The following TBC1D23 variants were observed in gnomAD, a reference collection of about 807,000 sequenced individuals.
TBC1D23 encodes the protein HCV non-structural protein 4A-transactivated protein 1.
TBC1D23 carries 55 observed loss-of-function variants against 91.4 expected under a neutral mutation model. The observed-to-expected ratio is 0.60, with a 90% CI of 0.48 to 0.75. The LOEUF is 0.75. Ranked by LOEUF, TBC1D23 falls within the 30% of genes least tolerant of loss-of-function variation. TBC1D23 has a pLI of 0.00. For missense variants in TBC1D23, 725 were observed against 836.1 expected, an observed-to-expected ratio of 0.87 and a Z score of 1.64; for synonymous variants, 289 against 281.0, an observed-to-expected ratio of 1.03 and a Z score of -0.28.
Position 100,302,093 on chromosome 3 carries a change from A to G in TBC1D23, c.1119A>G (p.Ala373=), listed in dbSNP as rs980646765. ...DLMLQNPSEF[A]QSVKSLLEAQ... ...TGCTTCAGAATCCATCTGAGTTTGC[A>G]CAGTCAGTAAAATCCTTGCTGGAAG... Residue 373 remains alanine, a synonymous_variant, in exon 11 of 19, where the codon GCA becomes GCG. Transcript: ENST00000394144. 2 of 1,613,124 alleles carry G rather than the reference A, an allele frequency of 1.2e-6. No homozygotes were observed. The highest frequency in any genetic ancestry group is 1.7e-6 in the Non-Finnish European group (2 of 1,179,704).
intron 1 of TBC1D23, among the ~76,000 whole-genome samples, chr3:100,274,677 T>C (rs2067630046): frequency 6.6e-6 from 1 of 151,256 alleles, no homozygotes; most frequent in Non-Finnish European, 1.5e-5. Flanking sequence ...TTTATTTCAC[T>C]TACCGTAATG....
At position 100,321,307 on chromosome 3, in the gene TBC1D23, C is replaced by T. The variant is rs187145132; in HGVS notation, c.2018+336C>T. 4.6e-4 allele frequency among the ~76,000 whole-genome samples: 70 copies of T among 152,224 alleles called. 2 individuals carry two copies. The highest frequency in any genetic ancestry group is 3.1e-3 in the South Asian group (15 of 4,816). On this transcript the variant is annotated intron_variant, in intron 18 of 18. Transcript: ENST00000394144. The stretch of plus-strand genomic sequence containing the variant: ...TGTTGATATTTTTATTTTCCTTCAT[C>T]GAAAAATTCTTGTTTTGACAAACTG...
rs188516922 is a variant in TBC1D23 at position 100,305,229 on chromosome 3, A to G, written c.1306+341A>G. Among the ~76,000 whole-genome samples the G allele has an allele frequency of 6.6e-5, 10 of 152,294 alleles. No homozygotes were observed. In the East Asian group the frequency reaches 1.9e-3, roughly 29 times the overall value. On this transcript the variant is annotated intron_variant, in intron 12 of 18. Coordinates refer to ENST00000394144, the MANE Select transcript of TBC1D23 (RefSeq NM_001199198.3). ...GAAGACTTCAAGGAATACTTTTTAT[A>G]GTATACCCTTTGGACTCTTTAGGTG...
intron 5 of TBC1D23, among the ~76,000 whole-genome samples, chr3:100,293,135 TTA>T (rs1180027343): frequency 7.2e-6 from 1 of 138,812 alleles, no homozygotes; most frequent in Non-Finnish European, 1.6e-5. Flanking sequence ...GTTTACTTAT[TTA>T]TTTATTTATT....
At chr3:100,261,136 C>A in intron 1 of TBC1D23, 65 bp downstream of exon 1, 1 of 1,487,044 alleles carries the variant, frequency 6.7e-7, no homozygotes, top group Non-Finnish European at 9.4e-7. Flanking sequence ...TCTTGCCGGT[C>A]CCCGAGGAGC....
chr3:100,321,025 TG>T, intron 18 of TBC1D23, 54 bp downstream of exon 18: 1 of 1,286,538 alleles, frequency 7.8e-7, no homozygotes. Context: ...TCTGAATTAC[TG>T]TAGTTCACTA....
rs371811752 is a variant in TBC1D23, at chr3:100,304,936, T to C, written c.1306+48T>C. On this transcript the variant is annotated intron_variant, in intron 12 of 18. Transcript: ENST00000394144. ...TTTTTCCTCTATGTTTCAGAAGAAA[T>C]TGTATTGATTATCAATAGAGTTGAT... 31 of 1,002,724 alleles carry C rather than the reference T, an allele frequency of 3.1e-5. No homozygotes were observed. The African/African-American group carries it at 4.3e-4, about 14-fold the overall frequency. The allele number at this position is 1,002,724 out of a possible 1,614,324, so 62.1% of individuals were successfully genotyped here.
At chr3:100,263,680 T>A (rs553533417) in intron 1 of TBC1D23, among the ~76,000 whole-genome samples, 18 of 152,344 alleles carry the variant, frequency 1.2e-4, no homozygotes, top group African/African-American at 4.3e-4. Flanking sequence ...ACAACACTTT[T>A]CAGAAAGTGA....
At chr3:100,314,020 A>C (rs972031542) in intron 15 of TBC1D23, among the ~76,000 whole-genome samples, 3 of 151,718 alleles carry the variant, frequency 2.0e-5, no homozygotes, top group African/African-American at 7.3e-5. Flanking sequence ...TTTGTTATAC[A>C]CTAAACTCTC....
intron 11 of TBC1D23, among the ~76,000 whole-genome samples, 154 bp downstream of exon 11, chr3:100,302,391 A>G (rs896911259): frequency 6.6e-6 from 1 of 152,230 alleles, no homozygotes; most frequent in Middle Eastern, 3.4e-3. Flanking sequence ...ATATGCTTAT[A>G]TGATTTTTTT....
At chr3:100,304,994 CTTCA>C (rs1415085150) in intron 12 of TBC1D23, 106 bp downstream of exon 12, 2 of 617,460 alleles carry the variant, frequency 3.2e-6, no homozygotes, top group Non-Finnish European at 5.7e-6. Flanking sequence ...AGGGTAGACT[CTTCA>C]TTCATTCAAT....
At chr3:100,286,165 T>A (rs1319215821) in intron 4 of TBC1D23, among the ~76,000 whole-genome samples, 2 of 152,196 alleles carry the variant, frequency 1.3e-5, no homozygotes, top group East Asian at 3.8e-4. Flanking sequence ...GAGCCAAGAC[T>A]TGAATTCATA....
At chr3:100,284,029 G>A in intron 4 of TBC1D23, 2 of 476,950 alleles carry the variant, frequency 4.2e-6, no homozygotes, top group Non-Finnish European at 7.4e-6. Flanking sequence ...TGGTTATACT[G>A]GGGTTGGAGT....
At position 100,290,709 on chromosome 3, in the gene TBC1D23, A is replaced by G; in HGVS notation, c.600+8A>G. ...TCCTATGCACTCAACTGGGTAATAAAGTGAAAGTAGGAACATTTAATGAAA... is the reference window on the plus strand; with the variant it reads ...TCCTATGCACTCAACTGGGTAATAAGGTGAAAGTAGGAACATTTAATGAAA... On this transcript the variant is annotated splice_region_variant and intron_variant, in intron 5 of 18. Transcript: ENST00000394144. 1 of 1,577,330 alleles carries G rather than the reference A, an allele frequency of 6.3e-7. No individual in the cohort carries two copies. The highest frequency in any genetic ancestry group is 8.6e-7 in the Non-Finnish European group (1 of 1,161,992).
Position 100,300,596 on chromosome 3 carries a change from G to A in TBC1D23, c.1092+1265G>A, listed in dbSNP as rs138051979. ...GGCTCACTGCAACCTCAGCCTCCCAGGTTCTGGCGATTCCCTAGCCTCAGC... is the reference window on the plus strand; with the variant it reads ...GGCTCACTGCAACCTCAGCCTCCCAAGTTCTGGCGATTCCCTAGCCTCAGC... On this transcript the variant is annotated intron_variant, in intron 10 of 18. Transcript: ENST00000394144. Among the ~76,000 whole-genome samples the A allele has an allele frequency of 2.4e-3, 355 of 149,976 alleles. 1 individual carries two copies. Among genetic ancestry groups the A allele is most frequent in the African/African-American group, 8.0e-3 (327 of 40,722 alleles).
intron 17 of TBC1D23, 119 bp downstream of exon 17, chr3:100,319,323 G>T: frequency 1.2e-6 from 1 of 821,732 alleles, no homozygotes; most frequent in Non-Finnish European, 1.9e-6. Flanking sequence ...ATTCCCTTCT[G>T]TCTACTTGTA....
At chr3:100,301,939 CT>C (rs1464836857) in intron 10 of TBC1D23, 127 bp from the exon 11 acceptor site, 50 of 638,752 alleles carry the variant, frequency 7.8e-5, no homozygotes, top group Middle Eastern at 4.3e-4. Flanking sequence ...TTATAAGAGC[CT>C]TTTTTTCCCC....
intron 1 of TBC1D23, 48 bp downstream of exon 1, chr3:100,261,119 C>G: frequency 6.4e-7 from 1 of 1,565,692 alleles, no homozygotes; most frequent in East Asian, 2.2e-5. Flanking sequence ...ATTCTTCCTT[C>G]TCACCATCTT....
intron 1 of TBC1D23, among the ~76,000 whole-genome samples, chr3:100,267,670 A>G (rs540173433): frequency 6.6e-6 from 1 of 152,304 alleles, no homozygotes; most frequent in South Asian, 2.1e-4. Flanking sequence ...TGAAATCCAT[A>G]ATGCTCCAAT....
Sources: gnomAD v4.1 joint callset for allele counts (sites outside exome capture counted in the v4.1 genomes callset) on GRCh38, gnomAD v4.1.1 for gene constraint, MANE v1.5 for transcripts, NCBI Gene and HGNC (gene_info 2026-07-23, HGNC 2026-07-21) for gene names.